Variants in CNDP1 observed in about 807,000 individuals in gnomAD.
The protein encoded by CNDP1 is beta-Ala-His dipeptidase.
CNDP1 carries 44 observed loss-of-function variants against 58.1 expected under a neutral mutation model. The observed-to-expected ratio is 0.76, with a 90% confidence interval of 0.60 to 0.97. The LOEUF (loss-of-function observed/expected upper bound fraction) is 0.97, where lower values mean the gene tolerates loss of function less well. CNDP1 is among the 50% of genes least tolerant of loss of function. CNDP1 has a pLI of 0.00. For missense variants in CNDP1, 616 were observed against 655.1 expected, an observed-to-expected ratio of 0.94 and a Z score of 0.65; for synonymous variants, 254 against 252.6, an observed-to-expected ratio of 1.01 and a Z score of -0.05.
chr18:74,565,930 C>A (rs757505088), intron 5 of CNDP1, among the ~76,000 whole-genome samples: 1 of 152,238 alleles, frequency 6.6e-6, no homozygotes, highest in Non-Finnish European at 1.5e-5. Flanking sequence ...ACCTCTGCAG[C>A]AAACTTTTGC....
chr18:74,550,973 C>G (rs900605181), intron 1 of CNDP1, among the ~76,000 whole-genome samples: 1 of 152,034 alleles, frequency 6.6e-6, no homozygotes, highest in Non-Finnish European at 1.5e-5. Context: ...AGTTTGGATA[C>G]GTGTCCCCGC....
intron 3 of CNDP1, among the ~76,000 whole-genome samples, 154 bp from the exon 4 acceptor site, chr18:74,560,701 GA>G (rs796679431): frequency 2.0e-5 from 3 of 150,210 alleles, no homozygotes; most frequent in African/African-American, 2.4e-5. Context: ...AAAGAAAAAA[GA>G]AAAAAAAAGT....
In CNDP1 at chr18:74,556,490, T is replaced by A. The variant is rs1352381988; in HGVS notation, c.153+24T>A. The A allele has an allele frequency of 2.5e-6, 4 of 1,612,774 alleles. No homozygotes were observed. In the African/African-American group the frequency reaches 5.3e-5, roughly 22 times the overall value. ...AGGTAGGAGAAAGAAACTACACAAC[T>A]ACACACAGAATGCTTGGATTATATC... On this transcript the variant is annotated intron_variant, in intron 2 of 11. Coordinates refer to ENST00000358821, the MANE Select transcript of CNDP1 (RefSeq NM_032649.6).
chr18:74,570,069 T>G (rs942084419), intron 6 of CNDP1, among the ~76,000 whole-genome samples: 1 of 145,770 alleles, frequency 6.9e-6, no homozygotes, highest in South Asian at 2.2e-4. Context: ...CATGGTGGCG[T>G]GCACCTGTAG....
rs746547963 is a variant in CNDP1 at position 74,583,596 on chromosome 18, T to C, written c.1345T>C (p.Ser449Pro). 2.5e-6 allele frequency: 4 copies of C among 1,614,118 alleles called. No individual in the cohort carries two copies. The South Asian group carries it at 4.4e-5, about 18-fold the overall frequency. Residue 449 changes from serine to proline, a missense_variant, in exon 11 of 12, where the codon TCC (serine) becomes CCC (proline). Physicochemically the swap from Ser to Pro is moderately conservative, Grantham distance 74 (BLOSUM62 -1). Transcript: ENST00000358821. Reference protein sequence around the residue: ...GTEPDMIRDGSTIPIAKMFQE... With the variant: ...GTEPDMIRDGPTIPIAKMFQE... ...AGAACCAGATATGATCCGGGATGGA[T>C]CCACCATTCCAATTGCCAAAATGTT... is the stretch of plus-strand genomic sequence containing the variant.
chr18:74,558,598 G>C (rs185600894), intron 2 of CNDP1, among the ~76,000 whole-genome samples: 1 of 151,968 alleles, frequency 6.6e-6, no homozygotes, highest in African/African-American at 2.4e-5. Flanking sequence ...GTTTCACCAC[G>C]TTAGCCAGGA....
chr18:74,543,509 C>CAAAATAAAATAAAATAAAAT (rs56408022), intron 1 of CNDP1, among the ~76,000 whole-genome samples: 2 of 148,778 alleles, frequency 1.3e-5, no homozygotes, highest in African/African-American at 5.0e-5. Flanking sequence ...TAAAACAAAA[C>CAAAATAAAATAAAATAAAAT]AAAATAAAAT....
chr18:74,584,034 T>G, intron 11 of CNDP1: 1 of 326,606 alleles, frequency 3.1e-6, no homozygotes, highest in Non-Finnish European at 5.7e-6. Flanking sequence ...TTAACCTTTA[T>G]TATCTCCTCC....
intron 4 of CNDP1, 150 bp downstream of exon 4, chr18:74,561,168 A>C (rs889678101): frequency 1.0e-6 from 1 of 972,856 alleles, no homozygotes; most frequent in Non-Finnish European, 1.5e-6. Context: ...TAATCCCAGC[A>C]CTTTGGGAAG....
chr18:74,539,287 C>T (rs1004908362), intron 1 of CNDP1, among the ~76,000 whole-genome samples: 8 of 152,056 alleles, frequency 5.3e-5, no homozygotes, highest in East Asian at 3.9e-4. Context: ...CAACTTACGA[C>T]GGAAGGATGC....
chr18:74,563,255 G>A (rs1220087711), intron 5 of CNDP1, among the ~76,000 whole-genome samples: 1 of 152,090 alleles, frequency 6.6e-6, no homozygotes, highest in Non-Finnish European at 1.5e-5. Flanking sequence ...GCGGGCTCCT[G>A]CTGACCACTG....
intron 5 of CNDP1, among the ~76,000 whole-genome samples, chr18:74,565,603 C>A (rs1197878709): frequency 6.6e-6 from 1 of 152,204 alleles, no homozygotes; most frequent in Non-Finnish European, 1.5e-5. Flanking sequence ...AAATTATCTC[C>A]TTTGAATCCA....
At chr18:74,564,712 C>T (rs1353455764) in intron 5 of CNDP1, among the ~76,000 whole-genome samples, 1 of 152,198 alleles carries the variant, frequency 6.6e-6, no homozygotes, top group Non-Finnish European at 1.5e-5. Flanking sequence ...CTGCTCCTTT[C>T]CCCAATTCTT....
chr18:74,583,793 A>G lies in CNDP1; in HGVS notation c.1457+85A>G, dbSNP rs903455469. ...CTACACGTGGGTGAGCTCCTGTTCAATTTATGTGAGAATGGAAAATCGTCC... is the reference window on the plus strand; with the variant it reads ...CTACACGTGGGTGAGCTCCTGTTCAGTTTATGTGAGAATGGAAAATCGTCC... On this transcript the variant is annotated intron_variant, in intron 11 of 11. Transcript: ENST00000358821. 5.0e-5 allele frequency: 67 copies of G among 1,337,546 alleles called. No homozygotes were observed. The Middle Eastern group carries it at 9.1e-4, about 18-fold the overall frequency. 82.9% of individuals were successfully genotyped at this position (1,337,546 alleles called of 1,614,324 possible).
intron 1 of CNDP1, among the ~76,000 whole-genome samples, chr18:74,550,760 T>C (rs1287694443): frequency 2.0e-5 from 3 of 151,476 alleles, no homozygotes; most frequent in African/African-American, 7.3e-5. Flanking sequence ...TTTTTGTTTT[T>C]TGTTTTTTGT....
intron 9 of CNDP1, among the ~76,000 whole-genome samples, chr18:74,579,207 T>TA (rs1981720728): frequency 4.6e-5 from 2 of 43,506 alleles, no homozygotes; most frequent in African/African-American, 7.6e-5. Flanking sequence ...TCCCTTGCCT[T>TA]CCCTTCCCTT....
chr18:74,581,713 T>C (rs1351803948), intron 10 of CNDP1, among the ~76,000 whole-genome samples: 2 of 152,220 alleles, frequency 1.3e-5, no homozygotes, highest in Non-Finnish European at 2.9e-5. Flanking sequence ...GGGTGCTGGC[T>C]GTGGCGTCAG....
At chr18:74,562,156 G>T in intron 5 of CNDP1, 21 bp downstream of exon 5, 1 of 1,606,692 alleles carries the variant, frequency 6.2e-7, no homozygotes, top group South Asian at 1.1e-5. Context: ...GCTGTGTTTG[G>T]GAGAGAGGAG....
At chr18:74,579,520 C>T (rs1023891207) in intron 9 of CNDP1, among the ~76,000 whole-genome samples, 1 of 151,966 alleles carries the variant, frequency 6.6e-6, no homozygotes, top group South Asian at 2.1e-4. Context: ...TGGGACATGA[C>T]ACGTGTTCTA....
Sources: gnomAD v4.1 joint callset for allele counts (sites outside exome capture counted in the v4.1 genomes callset) on GRCh38, gnomAD v4.1.1 for gene constraint, MANE v1.5 for transcripts, NCBI Gene and HGNC (gene_info 2026-07-23, HGNC 2026-07-21) for gene names.